The following PRKD1 variants were observed in gnomAD, a reference collection of about 807,000 sequenced individuals.
PRKD1 encodes the protein serine/threonine-protein kinase D1.
PRKD1 carries 63 observed loss-of-function variants against 95.9 expected under a neutral mutation model. The ratio of observed to expected loss-of-function variants is 0.66; its 90% CI spans 0.54 to 0.81. The LOEUF is 0.81. Among genes scored for constraint, PRKD1 ranks in the 30% least tolerant of loss-of-function variants. The pLI is 0.00. For missense variants in PRKD1, 1,048 were observed against 1,165.3 expected (o/e 0.90, Z 1.47); for synonymous variants, 425 against 423.1 (o/e 1.00, Z -0.05).
intron 13 of PRKD1, among the ~76,000 whole-genome samples, chr14:29,609,478 G>A (rs1436410606): frequency 1.4e-5 from 2 of 145,964 alleles, no homozygotes; most frequent in African/African-American, 5.0e-5. Context: ...AATCACTTGA[G>A]GACTAATCTA....
At chr14:29,713,099 T>C (rs1213056447) in intron 2 of PRKD1, among the ~76,000 whole-genome samples, 5 of 152,096 alleles carry the variant, frequency 3.3e-5, no homozygotes, top group Non-Finnish European at 2.9e-5. Flanking sequence ...TCCTCTAGGA[T>C]CTTTTGTCGT....
rs375919286 is a variant in PRKD1 at position 29,911,943 on chromosome 14, T to C, written c.264+15306A>G. Among the ~76,000 whole-genome samples the C allele has an allele frequency of 2.6e-5, 4 of 152,330 alleles. No homozygotes were observed. The East Asian group carries it at 7.7e-4, about 29-fold the overall frequency. ...TTGTTTCTGTTGTCACATCTCCTAC[T>C]ACATGACTCTACCTCCTCCTGCTTT... On this transcript the variant is annotated intron_variant, in intron 1 of 17. Coordinates refer to ENST00000331968, the MANE Select transcript of PRKD1 (RefSeq NM_002742.3).
intron 9 of PRKD1, among the ~76,000 whole-genome samples, chr14:29,631,253 T>C (rs1566499266): frequency 6.6e-6 from 1 of 152,222 alleles, no homozygotes; most frequent in East Asian, 1.9e-4. Flanking sequence ...GCTATGTTCA[T>C]GTGGCGAGAA....
At chr14:29,747,692 G>T (rs912788593) in intron 1 of PRKD1, among the ~76,000 whole-genome samples, 1 of 152,106 alleles carries the variant, frequency 6.6e-6, no homozygotes, top group Admixed American at 6.6e-5. Context: ...AGTAAAATAA[G>T]CAAGATAGAA....
chr14:29,717,378 T>C (rs1428695532), intron 2 of PRKD1, among the ~76,000 whole-genome samples: 3 of 152,100 alleles, frequency 2.0e-5, no homozygotes, highest in Non-Finnish European at 4.4e-5. Flanking sequence ...CAACCATATA[T>C]TGGAGATACT....
At chr14:29,891,294 G>A (rs1300567165) in intron 1 of PRKD1, among the ~76,000 whole-genome samples, 1 of 152,176 alleles carries the variant, frequency 6.6e-6, no homozygotes, top group Non-Finnish European at 1.5e-5. Context: ...CAGGAATGGA[G>A]TGGCTTTTTT....
rs533196284 is a variant in PRKD1 at position 29,596,602 on chromosome 14, T to C, written c.2434+889A>G. Among the ~76,000 whole-genome samples the C allele has an allele frequency of 5.9e-5, 9 of 152,286 alleles. No homozygotes were observed. In the South Asian group the frequency reaches 1.7e-3, roughly 28 times the overall value. ...CTGAGTAGCAGGGACTACAGGCACG[T>C]GCCACCACGCTCAGCTAATTTTTGT... is the stretch of plus-strand genomic sequence containing the variant. On this transcript the variant is annotated intron_variant, in intron 16 of 17. Transcript: ENST00000331968.
intron 1 of PRKD1, among the ~76,000 whole-genome samples, chr14:29,769,086 G>A (rs1888389753): frequency 2.0e-5 from 3 of 152,192 alleles, no homozygotes; most frequent in Non-Finnish European, 4.4e-5. Context: ...ACCAGGAAAC[G>A]ACAGAGGCAT....
intron 1 of PRKD1, among the ~76,000 whole-genome samples, chr14:29,862,716 AT>A (rs938914308): frequency 4.6e-5 from 7 of 151,824 alleles, no homozygotes; most frequent in Admixed American, 1.3e-4. Context: ...AGATAATTAG[AT>A]TTTTTTTCCT....
chr14:29,755,867 A>G (rs1283190536), intron 1 of PRKD1, among the ~76,000 whole-genome samples: 4 of 152,118 alleles, frequency 2.6e-5, no homozygotes, highest in Admixed American at 1.3e-4. Flanking sequence ...GGAACCTGTG[A>G]ACAACCAGCT....
chr14:29,813,335 A>C (rs2139248986), intron 1 of PRKD1, among the ~76,000 whole-genome samples: 1 of 152,348 alleles, frequency 6.6e-6, no homozygotes, highest in East Asian at 1.9e-4. Context: ...CTGGAAGTAC[A>C]TATTTGATGC....
chr14:29,775,443 C>T (rs1441069825), intron 1 of PRKD1, among the ~76,000 whole-genome samples: 4 of 152,246 alleles, frequency 2.6e-5, no homozygotes, highest in Non-Finnish European at 5.9e-5. Context: ...GGGTCACTCC[C>T]ACCCTAATGC....
At chr14:29,883,425 ATT>A (rs921374669) in intron 1 of PRKD1, among the ~76,000 whole-genome samples, 3 of 152,140 alleles carry the variant, frequency 2.0e-5, no homozygotes, top group Non-Finnish European at 2.9e-5. Flanking sequence ...AAAGAGAAGT[ATT>A]TTACCATGTG....
intron 2 of PRKD1, among the ~76,000 whole-genome samples, chr14:29,680,573 G>A (rs1566535225): frequency 1.3e-5 from 2 of 152,164 alleles, no homozygotes; most frequent in Non-Finnish European, 2.9e-5. Context: ...TAGGTTGGCT[G>A]ATTTTTGCAT....
At chr14:29,688,948 C>CAAAAAAAAAAAAAAAAAAAAA (rs377212196) in intron 2 of PRKD1, among the ~76,000 whole-genome samples, 1 of 32,486 alleles carries the variant, frequency 3.1e-5, no homozygotes, top group Admixed American at 4.1e-4. Context: ...GACTCCGTCT[C>CAAAAAAAAAAAAAAAAAAAAA]AAAAAAAAAA....
intron 3 of PRKD1, among the ~76,000 whole-genome samples, chr14:29,664,967 G>A (rs1378598419): frequency 2.0e-5 from 3 of 152,122 alleles, no homozygotes; most frequent in African/African-American, 7.2e-5. Flanking sequence ...TTATTTACTA[G>A]GCAAATTTTA....
At chr14:29,924,720 G>A (rs1895237878) in intron 1 of PRKD1, among the ~76,000 whole-genome samples, 1 of 151,934 alleles carries the variant, frequency 6.6e-6, no homozygotes, top group Non-Finnish European at 1.5e-5. Flanking sequence ...CCAAACTCCT[G>A]TCATCCTTCC....
intron 2 of PRKD1, among the ~76,000 whole-genome samples, chr14:29,716,891 A>C (rs1296976962): frequency 6.6e-6 from 1 of 152,200 alleles, no homozygotes; most frequent in African/African-American, 2.4e-5. Context: ...TGCTTGAGAA[A>C]TACTGTGAAA....
At chr14:29,634,318 C>T in intron 8 of PRKD1, 100 bp downstream of exon 8, 1 of 1,566,426 alleles carries the variant, frequency 6.4e-7, no homozygotes, top group South Asian at 1.1e-5. Context: ...CTGAGGTTTA[C>T]TCTGAGTAAT....
Sources: allele counts gnomAD v4.1 joint callset (sites outside exome capture counted in the v4.1 genomes callset), GRCh38; gene constraint gnomAD v4.1.1; transcripts MANE v1.5; gene names NCBI Gene and HGNC (gene_info 2026-07-23, HGNC 2026-07-21).